KCNH7: variants seen among roughly 807,000 people sequenced by gnomAD.
KCNH7 encodes the protein voltage-gated inwardly rectifying potassium channel KCNH7.
KCNH7 carries 49 observed loss-of-function variants against 120.8 expected under a neutral mutation model. The ratio of observed to expected loss-of-function variants is 0.41; its 90% CI spans 0.32 to 0.51. The LOEUF (loss-of-function observed/expected upper bound fraction) is 0.51. Ranked by LOEUF, KCNH7 falls within the 20% of genes least tolerant of loss-of-function variation. The pLI is 0.38. For missense variants in KCNH7, 1,097 were observed against 1,446.6 expected (o/e 0.76, Z 3.92); for synonymous variants, 547 against 516.1 (o/e 1.06, Z -0.81).
chr2:162,394,288 A>G, intron 12 of KCNH7, 101 bp downstream of exon 12: 1 of 744,716 alleles, frequency 1.3e-6, no homozygotes, highest in Non-Finnish European at 2.4e-6. Context: ...CTAAAGCCTG[A>G]GTAAAATATA....
intron 6 of KCNH7, 61 bp from the exon 7 acceptor site, chr2:162,446,504 T>C: frequency 8.2e-7 from 1 of 1,223,378 alleles, no homozygotes; most frequent in Non-Finnish European, 1.1e-6. Flanking sequence ...CTGGTAAACC[T>C]ATCAAATATT....
chr2:162,609,150 T>A (rs1682877527), intron 2 of KCNH7, among the ~76,000 whole-genome samples: 1 of 152,158 alleles, frequency 6.6e-6, no homozygotes, highest in East Asian at 1.9e-4. Flanking sequence ...TGGGATGTGG[T>A]TGGGTGCTTT....
At chr2:162,411,066 G>T (rs1482500745) in intron 9 of KCNH7, among the ~76,000 whole-genome samples, 2 of 151,996 alleles carry the variant, frequency 1.3e-5, no homozygotes, top group East Asian at 1.9e-4. Context: ...ACTTAAAAGA[G>T]AACTATTCCA....
At chr2:162,686,146 T>C (rs919328210) in intron 2 of KCNH7, among the ~76,000 whole-genome samples, 2 of 152,086 alleles carry the variant, frequency 1.3e-5, no homozygotes, top group African/African-American at 4.8e-5. Context: ...AAAACGTTTC[T>C]CCTAAGATTT....
chr2:162,679,075 G>T (rs1261636024), intron 2 of KCNH7, among the ~76,000 whole-genome samples: 1 of 151,606 alleles, frequency 6.6e-6, no homozygotes, highest in Non-Finnish European at 1.5e-5. Context: ...TGTGAAACTG[G>T]AAAGAGCAGC....
At chr2:162,576,392 GA>G (rs917956480) in intron 2 of KCNH7, among the ~76,000 whole-genome samples, 7 of 152,134 alleles carry the variant, frequency 4.6e-5, no homozygotes, top group African/African-American at 1.7e-4. Context: ...GAGAAGGAAG[GA>G]GATGAAATGT....
intron 2 of KCNH7, among the ~76,000 whole-genome samples, chr2:162,825,492 A>G (rs1685248776): frequency 6.6e-6 from 1 of 152,012 alleles, no homozygotes; most frequent in Admixed American, 6.6e-5. Context: ...AGTTAAATAT[A>G]TACCTTTTTG....
At chr2:162,567,648 A>G (rs1274539458) in intron 2 of KCNH7, among the ~76,000 whole-genome samples, 1 of 152,038 alleles carries the variant, frequency 6.6e-6, no homozygotes, top group Non-Finnish European at 1.5e-5. Context: ...GCTTTATAAG[A>G]GTACTTTTCC....
chr2:162,424,732 C>A (rs1687805947), intron 8 of KCNH7, among the ~76,000 whole-genome samples: 1 of 152,128 alleles, frequency 6.6e-6, no homozygotes, highest in African/African-American at 2.4e-5. Flanking sequence ...TTCCATCTTA[C>A]CTTGTTTGCT....
intron 2 of KCNH7, among the ~76,000 whole-genome samples, chr2:162,605,000 A>G (rs1270498609): frequency 6.6e-6 from 1 of 152,140 alleles, no homozygotes; most frequent in African/African-American, 2.4e-5. Flanking sequence ...TAGGGAAAAT[A>G]ACTTCAAATG....
chr2:162,443,742 G>A (rs1478510879), intron 7 of KCNH7, among the ~76,000 whole-genome samples: 3 of 152,244 alleles, frequency 2.0e-5, no homozygotes, highest in East Asian at 1.9e-4. Context: ...AATGTCCATC[G>A]GATAGTATCA....
At chr2:162,398,660 G>A (rs1476236773) in intron 10 of KCNH7, among the ~76,000 whole-genome samples, 1 of 151,892 alleles carries the variant, frequency 6.6e-6, no homozygotes, top group African/African-American at 2.4e-5. Flanking sequence ...CCATGGATAT[G>A]TCTTAGCAAC....
intron 2 of KCNH7, among the ~76,000 whole-genome samples, chr2:162,748,087 TTAAAA>T (rs1688375535): frequency 6.6e-6 from 1 of 152,196 alleles, no homozygotes; most frequent in African/African-American, 2.4e-5. Context: ...TGAAAAGTCT[TTAAAA>T]AGCACTAAAC....
At chr2:162,433,742 T>G (rs965439440) in intron 8 of KCNH7, among the ~76,000 whole-genome samples, 5 of 152,036 alleles carry the variant, frequency 3.3e-5, no homozygotes, top group Non-Finnish European at 7.4e-5. Flanking sequence ...GAAAATGGAA[T>G]GCTTATATTG....
chr2:162,838,539 G>A lies in KCNH7; in HGVS notation c.-21C>T, dbSNP rs1347766046. On this transcript the variant is annotated 5_prime_UTR_variant, in exon 1 of 16. Transcript: ENST00000332142. ...GGCATGTTGGCCCCGGTCTTCCGAG[G>A]AGCGCTCCCCCGGAGCTCTGGAGTT... 3.1e-6 allele frequency: 5 copies of A among 1,603,330 alleles called. No individual in the cohort carries two copies. The highest frequency in any genetic ancestry group is 4.3e-6 in the Non-Finnish European group (5 of 1,173,462).
At chr2:162,700,189 C>A (rs901016939) in intron 2 of KCNH7, among the ~76,000 whole-genome samples, 2 of 152,140 alleles carry the variant, frequency 1.3e-5, no homozygotes, top group East Asian at 3.9e-4. Flanking sequence ...AAAGTTGAGG[C>A]TACTAGGCAT....
At chr2:162,649,038 A>T (rs765698698) in intron 2 of KCNH7, among the ~76,000 whole-genome samples, 3 of 152,210 alleles carry the variant, frequency 2.0e-5, no homozygotes, top group African/African-American at 7.2e-5. Context: ...AATTAAACAT[A>T]CATCAGTATT....
chr2:162,522,971 C>T (rs1691582403), intron 3 of KCNH7, among the ~76,000 whole-genome samples: 1 of 151,818 alleles, frequency 6.6e-6, no homozygotes, highest in Non-Finnish European at 1.5e-5. Flanking sequence ...TAACTAACAA[C>T]TTTTTGGTTC....
chr2:162,537,375 A>C (rs535209320), intron 2 of KCNH7, among the ~76,000 whole-genome samples: 1 of 152,146 alleles, frequency 6.6e-6, no homozygotes, highest in East Asian at 1.9e-4. Context: ...ATTTTTAAAA[A>C]GATATATTCT....
Sources: allele counts gnomAD v4.1 joint callset (sites outside exome capture counted in the v4.1 genomes callset), GRCh38; gene constraint gnomAD v4.1.1; transcripts MANE v1.5; gene names NCBI Gene and HGNC (gene_info 2026-07-23, HGNC 2026-07-21).